The following TPCN2 variants were observed in gnomAD, a reference collection of about 807,000 sequenced individuals.
The protein encoded by TPCN2 is two pore channel protein 2.
Under a neutral mutation model 111.4 loss-of-function variants are expected in TPCN2, and 92 were observed. That is an observed-to-expected ratio of 0.83 (90% CI 0.70 to 0.98). The LOEUF is 0.98. TPCN2 is among the 50% of genes least tolerant of loss of function. The pLI, the probability that TPCN2 is intolerant of heterozygous loss-of-function variation, is 0.00. For missense variants in TPCN2, 995 were observed against 980.1 expected, an observed-to-expected ratio of 1.02 and a Z score of -0.20; for synonymous variants, 405 against 414.5, an observed-to-expected ratio of 0.98 and a Z score of 0.28.
chr11:69,085,457 C>T (rs1465007974), intron 20 of TPCN2, among the ~76,000 whole-genome samples, 171 bp downstream of exon 20: 5 of 152,076 alleles, frequency 3.3e-5, no homozygotes, highest in African/African-American at 1.2e-4. Context: ...TCCACCTCCG[C>T]TCCGCACCTC....
intron 3 of TPCN2, 109 bp downstream of exon 3, chr11:69,054,906 C>G (rs1270765470): frequency 1.8e-6 from 2 of 1,136,878 alleles, no homozygotes; most frequent in African/African-American, 1.5e-5. Context: ...AGGCTCCCCA[C>G]TACATAGATA....
chr11:69,061,496 G>C (rs1855020087), intron 5 of TPCN2, among the ~76,000 whole-genome samples: 1 of 152,236 alleles, frequency 6.6e-6, no homozygotes, highest in Non-Finnish European at 1.5e-5. Context: ...AAGTGTAAAC[G>C]AGATACTCAA....
chr11:69,063,447 T>G (rs1855113237), intron 6 of TPCN2, among the ~76,000 whole-genome samples: 2 of 151,954 alleles, frequency 1.3e-5, no homozygotes, highest in Non-Finnish European at 2.9e-5. Flanking sequence ...CGTGGGGCTC[T>G]CTCCCTGCGC....
chr11:69,055,210 T>C lies in TPCN2; in HGVS notation c.287T>C (p.Leu96Ser). Reference sequence around the variant, plus strand: ...TTCACCATCTTCTTGATCCTGTTTTTGGCTTTTATCGAGACCCCATCCTCA... The same window carrying C: ...TTCACCATCTTCTTGATCCTGTTTTCGGCTTTTATCGAGACCCCATCCTCA... ...LSFTIFLILF[L>S]AFIETPSSLT... is the part of the protein sequence containing the mutation. Residue 96 changes from leucine to serine, a missense_variant, in exon 4 of 25, where the codon TTG (leucine) becomes TCG (serine). Physicochemically the swap from Leu to Ser is moderately radical, Grantham distance 145. Coordinates refer to ENST00000294309, the MANE Select transcript of TPCN2 (RefSeq NM_139075.4). 6.2e-7 allele frequency: 1 copy of C among 1,614,216 alleles called. No homozygotes were observed. Among genetic ancestry groups the C allele is most frequent in the East Asian group, 2.2e-5 (1 of 44,870 alleles).
rs541910458 is a variant in TPCN2 at position 69,049,009 on chromosome 11, C to G, written c.12C>G (p.Pro4=). 1.6e-6 allele frequency: 2 copies of G among 1,239,648 alleles called. No homozygotes were observed. Among genetic ancestry groups the G allele is most frequent in the South Asian group, 8.1e-5 (2 of 24,554 alleles). The allele number at this position is 1,239,648 out of a possible 1,614,324, so 76.8% of individuals were successfully genotyped here. ...GCGTGGGCTGCTGGATGGCGGAACC[C>G]CAGGCGGAGTCGGAGCCCCTGCTGG... is the stretch of plus-strand genomic sequence containing the variant. MAE[P]QAESEPLLGG... is the part of the protein sequence containing the mutation. The change falls in exon 1 of 25, where the codon CCC becomes CCG. Residue 4 remains proline, a synonymous_variant. Transcript: ENST00000294309.
In TPCN2 at chr11:69,065,236, C is replaced by T. The variant is rs559044976; in HGVS notation, c.726+1269C>T. ...GAACCGGCTGACAGAATCTCAGGCC[C>T]TCCTCTGTGTGACCGTCCAGTGACC... is the stretch of plus-strand genomic sequence containing the variant. On this transcript the variant is annotated intron_variant, in intron 7 of 24. Coordinates refer to ENST00000294309, the MANE Select transcript of TPCN2 (RefSeq NM_139075.4). Among the ~76,000 whole-genome samples the T allele has an allele frequency of 1.8e-3, 281 of 152,320 alleles. 2 individuals are homozygous for T. The highest frequency in any genetic ancestry group is 6.3e-3 in the African/African-American group (260 of 41,574).
chr11:69,063,834 A>C (rs1259692645), intron 6 of TPCN2, 61 bp from the exon 7 acceptor site: 2 of 1,540,188 alleles, frequency 1.3e-6, no homozygotes, highest in Non-Finnish European at 1.8e-6. Flanking sequence ...CCCTGCAGGC[A>C]GGTCAGGTGT....
intron 20 of TPCN2, 57 bp downstream of exon 20, chr11:69,085,343 G>GGGGGC: frequency 1.9e-5 from 11 of 581,866 alleles, no homozygotes; most frequent in Non-Finnish European, 3.7e-5. Context: ...GGGTGGGCGG[G>GGGGGC]AAGCCTTGGC....
intron 4 of TPCN2, 64 bp downstream of exon 4, chr11:69,055,416 C>T: frequency 1.4e-6 from 2 of 1,456,684 alleles, no homozygotes; most frequent in Non-Finnish European, 9.1e-7. Context: ...CGCTGCTCTC[C>T]TGGTTTATTG....
intron 1 of TPCN2, among the ~76,000 whole-genome samples, chr11:69,051,384 G>A (rs1861220135): frequency 6.6e-6 from 1 of 152,272 alleles, no homozygotes; most frequent in South Asian, 2.1e-4. Flanking sequence ...ACTTAGCAAA[G>A]TACTCTGGCT....
At chr11:69,074,578 A>C (rs1855673799) in intron 13 of TPCN2, among the ~76,000 whole-genome samples, 1 of 120,930 alleles carries the variant, frequency 8.3e-6, no homozygotes, top group Non-Finnish European at 2.0e-5. Flanking sequence ...TTTGGGGCTC[A>C]GGAAGCAGCT....
chr11:69,085,974 TG>T (rs772888609), intron 22 of TPCN2, 44 bp downstream of exon 22: 21 of 1,575,524 alleles, frequency 1.3e-5, no homozygotes, highest in East Asian at 2.3e-5. Flanking sequence ...CCGTGCAGCC[TG>T]GGGGTTCCCT....
chr11:69,078,533 C>G lies in TPCN2; in HGVS notation c.1282C>G (p.Leu428Val). The G allele has an allele frequency of 6.2e-7, 1 of 1,614,168 alleles. No homozygotes were observed. The highest frequency in any genetic ancestry group is 1.7e-5 in the Admixed American group (1 of 60,030). The change falls in exon 14 of 25, where the codon CTC becomes GTC. Residue 428 changes from leucine (L) to valine (V), a missense_variant. Coordinates refer to ENST00000294309, the MANE Select transcript of TPCN2 (RefSeq NM_139075.4). Reference protein sequence around the residue: ...QSPFLQSAQFLFGHYYFDYLG... With the variant: ...QSPFLQSAQFVFGHYYFDYLG... ...TCCGTTTCTGCAGAGCGCCCAGTTC[C>G]TCTTCGGCCACTACTACTTTGACTA...
chr11:69,055,925 G>T (rs1045457023), intron 4 of TPCN2, among the ~76,000 whole-genome samples: 5 of 152,218 alleles, frequency 3.3e-5, no homozygotes, highest in Non-Finnish European at 7.3e-5. Context: ...GGGGCAGAAA[G>T]GGGTTTCTTA....
At chr11:69,057,436 C>T (rs1231350004) in intron 4 of TPCN2, 142 bp from the exon 5 acceptor site, 5 of 773,028 alleles carry the variant, frequency 6.5e-6, no homozygotes, top group Non-Finnish European at 1.1e-5. Context: ...CTGACTGCTG[C>T]TCTGCGTCCC....
intron 22 of TPCN2, 90 bp downstream of exon 22, chr11:69,086,020 C>A (rs1318515367): frequency 2.3e-6 from 3 of 1,324,164 alleles, no homozygotes; most frequent in African/African-American, 2.9e-5. Flanking sequence ...ACTGGACGCC[C>A]GGAGCGTGGC....
chr11:69,050,670 G>T (rs1458303047), intron 1 of TPCN2, among the ~76,000 whole-genome samples: 1 of 152,242 alleles, frequency 6.6e-6, no homozygotes, highest in Non-Finnish European at 1.5e-5. Flanking sequence ...GAGCCACTGT[G>T]CCTGGCCATG....
At chr11:69,058,311 A>G (rs1006056956) in intron 5 of TPCN2, among the ~76,000 whole-genome samples, 4 of 152,148 alleles carry the variant, frequency 2.6e-5, no homozygotes, top group African/African-American at 9.7e-5. Flanking sequence ...CGAGAAACCA[A>G]CAGTGAAAGG....
chr11:69,055,163 TC>T lies in TPCN2; in HGVS notation c.252-8del. The T allele has an allele frequency of 1.2e-6, 2 of 1,612,798 alleles. No individual in the cohort carries two copies. The highest frequency in any genetic ancestry group is 1.7e-6 in the Non-Finnish European group (2 of 1,179,352). On this transcript the variant is annotated splice_polypyrimidine_tract_variant and intron_variant, in intron 3 of 24. Coordinates refer to ENST00000294309, the MANE Select transcript of TPCN2 (RefSeq NM_139075.4). ...TGGCTCCTGTGTTTTCATGTTTCTGTCCCCTTTCCAGGACTTTGAGCTTCAC... is the reference window on the plus strand; with the variant it reads ...TGGCTCCTGTGTTTTCATGTTTCTGTCCCTTTCCAGGACTTTGAGCTTCAC...
Sources: gnomAD v4.1 joint callset for allele counts (sites outside exome capture counted in the v4.1 genomes callset) on GRCh38, gnomAD v4.1.1 for gene constraint, MANE v1.5 for transcripts, NCBI Gene and HGNC (gene_info 2026-07-23, HGNC 2026-07-21) for gene names.